Variants in FAM219A observed in about 807,000 individuals in gnomAD.
FAM219A encodes family with sequence similarity 219 member A.
A neutral mutation model predicts 23.4 loss-of-function variants in FAM219A; 7 were observed. That is an observed-to-expected ratio of 0.30 (90% CI 0.17 to 0.56). FAM219A has a LOEUF of 0.56. Among genes scored for constraint, FAM219A ranks in the 20% least tolerant of loss-of-function variants. The pLI, the probability that FAM219A is intolerant of heterozygous loss-of-function variation, is 0.92. For synonymous variants in FAM219A, 93 were observed against 99.0 expected (o/e 0.94, Z 0.36); for missense variants, 166 against 246.9 (o/e 0.67, Z 2.20).
At chr9:34,408,235 A>T (rs1279630932) in intron 1 of FAM219A, among the ~76,000 whole-genome samples, 1 of 152,104 alleles carries the variant, frequency 6.6e-6, no homozygotes, top group Non-Finnish European at 1.5e-5. Flanking sequence ...TGGCTCAGCA[A>T]CCTCCTTGAG....
intron 1 of FAM219A, among the ~76,000 whole-genome samples, chr9:34,413,591 A>G (rs1332235129): frequency 3.3e-5 from 5 of 152,242 alleles, no homozygotes; most frequent in Admixed American, 2.0e-4. Context: ...AGAGTGACGT[A>G]TGAAGAAGCA....
chr9:34,454,411 G>A (rs1588079655), intron 1 of FAM219A, among the ~76,000 whole-genome samples: 2 of 152,204 alleles, frequency 1.3e-5, no homozygotes, highest in Non-Finnish European at 2.9e-5. Context: ...ACTCCAGCCT[G>A]GGCAACAGAG....
At chr9:34,416,193 AAGAAAGAAAG>A (rs1470363000) in intron 1 of FAM219A, among the ~76,000 whole-genome samples, 1 of 48,376 alleles carries the variant, frequency 2.1e-5, no homozygotes, top group African/African-American at 7.7e-5. Flanking sequence ...AAAAGAAAGA[AAGAAAGAAAG>A]AAAGAAAGAA....
chr9:34,400,304 A>C lies in FAM219A; in HGVS notation c.*660T>G, dbSNP rs563743518. 1 of 152,544 alleles carries C rather than the reference A, an allele frequency of 6.6e-6. No homozygotes were observed. The highest frequency in any genetic ancestry group is 1.9e-4 in the East Asian group (1 of 5,184). 9.4% of individuals were successfully genotyped at this position (152,544 alleles called of 1,614,324 possible). On this transcript the variant is annotated 3_prime_UTR_variant, in exon 6 of 6. Coordinates refer to ENST00000651358, the MANE Select transcript of FAM219A (RefSeq NM_001184940.2). ...AAACCTCAGCCTGTCTGTAAGGCCC[A>C]CCTTACCCTGCCCCACTCCCAGAGT...
chr9:34,422,645 A>C (rs1822322547), intron 1 of FAM219A, among the ~76,000 whole-genome samples: 1 of 152,232 alleles, frequency 6.6e-6, no homozygotes, highest in Non-Finnish European at 1.5e-5. Flanking sequence ...CAGGAAGGAA[A>C]TATTGGAGCC....
chr9:34,445,104 T>C (rs1823322280), intron 1 of FAM219A, among the ~76,000 whole-genome samples: 1 of 152,190 alleles, frequency 6.6e-6, no homozygotes, highest in South Asian at 2.1e-4. Context: ...ACTCTACTAA[T>C]TCTCACCTAC....
At chr9:34,440,928 G>A (rs1823147086) in intron 1 of FAM219A, among the ~76,000 whole-genome samples, 1 of 152,038 alleles carries the variant, frequency 6.6e-6, no homozygotes, top group Non-Finnish European at 1.5e-5. Flanking sequence ...GCTATTCACA[G>A]GCCTGATCGT....
At chr9:34,409,368 A>G (rs77200115) in intron 1 of FAM219A, among the ~76,000 whole-genome samples, 1 of 152,240 alleles carries the variant, frequency 6.6e-6, no homozygotes, top group African/African-American at 2.4e-5. Flanking sequence ...GAATGTAAGT[A>G]TCAGAAAAGA....
At chr9:34,416,255 G>GAAAGAA (rs1822016552) in intron 1 of FAM219A, among the ~76,000 whole-genome samples, 1 of 129,726 alleles carries the variant, frequency 7.7e-6, no homozygotes, top group East Asian at 2.5e-4. Flanking sequence ...AAGAAAGAAA[G>GAAAGAA]AAAGGGGGAG....
chr9:34,435,546 A>G (rs1822872804), intron 1 of FAM219A, among the ~76,000 whole-genome samples: 1 of 152,222 alleles, frequency 6.6e-6, no homozygotes, highest in Non-Finnish European at 1.5e-5. Context: ...AGTTTATTTT[A>G]TACTTCCAGA....
intron 1 of FAM219A, among the ~76,000 whole-genome samples, chr9:34,428,381 T>C (rs1188334223): frequency 1.3e-5 from 2 of 152,218 alleles, no homozygotes; most frequent in Non-Finnish European, 2.9e-5. Flanking sequence ...TCTGAGAGTC[T>C]AGACAGGTTG....
intron 1 of FAM219A, among the ~76,000 whole-genome samples, chr9:34,429,992 G>C (rs1287931421): frequency 6.6e-6 from 1 of 152,124 alleles, no homozygotes; most frequent in Non-Finnish European, 1.5e-5. Flanking sequence ...CTACTATCCT[G>C]AAGTATTAGG....
intron 1 of FAM219A, among the ~76,000 whole-genome samples, chr9:34,432,356 C>T (rs1822746742): frequency 6.6e-6 from 1 of 152,226 alleles, no homozygotes; most frequent in Admixed American, 6.5e-5. Context: ...CACTGTTCTC[C>T]CTGCAGTCAG....
chr9:34,400,696 G>A lies in FAM219A; in HGVS notation c.*268C>T. ...CCCTGGGAAGCGGGGCAGGGTGCTG[G>A]GTGAGGTTCCCCCAGGTAACTGAAC... On this transcript the variant is annotated 3_prime_UTR_variant, in exon 6 of 6. Coordinates refer to ENST00000651358, the MANE Select transcript of FAM219A (RefSeq NM_001184940.2). The A allele has an allele frequency of 2.8e-6, 1 of 360,304 alleles. No individual in the cohort carries two copies. Among genetic ancestry groups the A allele is most frequent in the Non-Finnish European group, 5.0e-6 (1 of 200,162 alleles). The allele number at this position is 360,304 out of a possible 1,614,324, so 22.3% of individuals were successfully genotyped here.
In FAM219A at chr9:34,458,563, G is replaced by A. The variant is rs1823860667; in HGVS notation, c.-300C>T. ...CTCCTGTCAGCAGCTCAGCCACTGC[G>A]GTGACTCGGCAACTCCACTTCCGGG... On this transcript the variant is annotated 5_prime_UTR_variant, in exon 1 of 6. Coordinates refer to ENST00000651358, the MANE Select transcript of FAM219A (RefSeq NM_001184940.2). The surrounding 1 kb of genome is among the most constrained non-coding windows in gnomAD (Gnocchi z 6.6). The A allele has an allele frequency of 7.7e-6, 3 of 389,804 alleles. 1 individual carries two copies. The highest frequency in any genetic ancestry group is 1.4e-5 in the Non-Finnish European group (3 of 212,818). 24.1% of individuals were successfully genotyped at this position (389,804 alleles called of 1,614,324 possible). A position where few individuals can be genotyped will look rare whatever the true frequency, so the allele number is the denominator to read the frequency against.
chr9:34,456,392 C>A (rs1823730436), intron 1 of FAM219A, among the ~76,000 whole-genome samples: 1 of 152,148 alleles, frequency 6.6e-6, no homozygotes, highest in Non-Finnish European at 1.5e-5. Context: ...AACAGAAGCA[C>A]CAAGGACAAC....
chr9:34,401,182 T>G, intron 5 of FAM219A, 60 bp from the exon 6 acceptor site: 2 of 1,582,924 alleles, frequency 1.3e-6, no homozygotes, highest in Non-Finnish European at 1.7e-6. Context: ...CCCACAGCTC[T>G]GCGGCCACTC....
chr9:34,431,236 A>T (rs1822687133), intron 1 of FAM219A, among the ~76,000 whole-genome samples: 1 of 152,128 alleles, frequency 6.6e-6, no homozygotes, highest in South Asian at 2.1e-4. Flanking sequence ...GTCCCTCTGG[A>T]AGCTCAGGAT....
At chr9:34,401,831 T>G in intron 4 of FAM219A, 111 bp from the exon 5 acceptor site, 1 of 1,173,118 alleles carries the variant, frequency 8.5e-7, no homozygotes, top group South Asian at 1.4e-5. Flanking sequence ...CAGTTCCAAA[T>G]AGCAAAATCT....
Sources: gnomAD v4.1 joint callset for allele counts (sites outside exome capture counted in the v4.1 genomes callset) on GRCh38, gnomAD v4.1.1 for gene constraint, Gnocchi (gnomAD v3.1) non-coding constraint, MANE v1.5 for transcripts, NCBI Gene and HGNC (gene_info 2026-07-23, HGNC 2026-07-21) for gene names.